The following LRRFIP2 variants were observed in gnomAD, a reference collection of about 807,000 sequenced individuals.
LRRFIP2 encodes leucine-rich repeat flightless-interacting protein 2.
Under a neutral mutation model 125.9 loss-of-function variants are expected in LRRFIP2, and 109 were observed. The ratio of observed to expected loss-of-function variants is 0.87; its 90% confidence interval spans 0.74 to 1.01. The LOEUF is 1.01. Ranked by LOEUF, LRRFIP2 falls within the 50% of genes least tolerant of loss-of-function variation. The pLI, the probability that LRRFIP2 is intolerant of heterozygous loss-of-function variation, is 0.00. For synonymous variants in LRRFIP2, 291 were observed against 293.1 expected (o/e 0.99, Z 0.07); for missense variants, 850 against 862.3 (o/e 0.99, Z 0.18).
At chr3:37,166,372 CTG>C (rs1435019621) in intron 1 of LRRFIP2, among the ~76,000 whole-genome samples, 12 of 151,984 alleles carry the variant, frequency 7.9e-5, no homozygotes, top group Non-Finnish European at 1.6e-4. Context: ...AAAAACAAAA[CTG>C]TGTACATCAA....
intron 18 of LRRFIP2, among the ~76,000 whole-genome samples, chr3:37,088,767 A>G (rs1282430357): frequency 6.6e-6 from 1 of 152,232 alleles, no homozygotes; most frequent in Non-Finnish European, 1.5e-5. Context: ...ACTACACTCC[A>G]GCTTGAGTGA....
At chr3:37,139,601 A>T (rs1465344810) in intron 2 of LRRFIP2, among the ~76,000 whole-genome samples, 1 of 152,128 alleles carries the variant, frequency 6.6e-6, no homozygotes, top group Non-Finnish European at 1.5e-5. Flanking sequence ...TCTACTGAAG[A>T]GCTGCCTCTT....
intron 4 of LRRFIP2, among the ~76,000 whole-genome samples, chr3:37,125,319 A>T (rs1460012587): frequency 6.6e-6 from 1 of 152,216 alleles, no homozygotes; most frequent in African/African-American, 2.4e-5. Flanking sequence ...ACTCTTTCAG[A>T]ATCACCACTG....
chr3:37,101,288 TG>T (rs932177315), intron 15 of LRRFIP2, among the ~76,000 whole-genome samples: 2 of 148,764 alleles, frequency 1.3e-5, no homozygotes, highest in African/African-American at 5.0e-5. Flanking sequence ...ACTCGGAGGG[TG>T]GGGGTTGCAG....
chr3:37,117,216 G>C (rs1005876574), intron 6 of LRRFIP2, among the ~76,000 whole-genome samples: 3 of 151,338 alleles, frequency 2.0e-5, no homozygotes, highest in African/African-American at 7.3e-5. Context: ...AATAAGGTAA[G>C]TTCATGGAAA....
Position 37,083,715 on chromosome 3 carries a change from A to C in LRRFIP2, c.1199T>G (p.Val400Gly). ...DNEKNNLIYQ[V>G]DTLKDVIEEQ... is the part of the protein sequence containing the mutation. Reference sequence around the variant, plus strand: ...TTCAATAACATCCTTGAGTGTGTCTACTTGGTAGATCAAATTGTTCTTCTC... The same window carrying C: ...TTCAATAACATCCTTGAGTGTGTCTCCTTGGTAGATCAAATTGTTCTTCTC... Residue 400 changes from valine to glycine, a missense_variant, in exon 19 of 28, where the codon GTA (valine) becomes GGA (glycine). By Grantham distance (109) the Val-to-Gly change is moderately radical. Coordinates refer to ENST00000336686, the MANE Select transcript of LRRFIP2 (RefSeq NM_006309.4). 6.3e-7 allele frequency: 1 copy of C among 1,599,556 alleles called. No homozygotes were observed. Among genetic ancestry groups the C allele is most frequent in the Non-Finnish European group, 8.5e-7 (1 of 1,174,714 alleles).
chr3:37,152,457 T>G (rs911848731), intron 1 of LRRFIP2, among the ~76,000 whole-genome samples: 10 of 152,216 alleles, frequency 6.6e-5, no homozygotes, highest in Non-Finnish European at 1.3e-4. Flanking sequence ...ATTTTTTTTT[T>G]TTGAGACGGA....
At chr3:37,119,771 T>C (rs902262779) in intron 6 of LRRFIP2, among the ~76,000 whole-genome samples, 2 of 152,168 alleles carry the variant, frequency 1.3e-5, no homozygotes, top group African/African-American at 2.4e-5. Context: ...CTGATTCTCA[T>C]GCCTCAGCCT....
chr3:37,139,333 C>A (rs1340962844), intron 2 of LRRFIP2, among the ~76,000 whole-genome samples: 2 of 152,032 alleles, frequency 1.3e-5, no homozygotes, highest in Admixed American at 1.3e-4. Context: ...TAAAAAACAA[C>A]AACAAAACAG....
chr3:37,071,475 C>CCTTGGCTTTCCAAA (rs572807142), intron 21 of LRRFIP2, among the ~76,000 whole-genome samples: 171 of 151,932 alleles, frequency 1.1e-3, no homozygotes, highest in Non-Finnish European at 1.5e-3. Flanking sequence ...AGCGATCCTC[C>CCTTGGCTTTCCAAA]GTGCTAGGAT....
At chr3:37,168,066 G>A (rs562765579) in intron 1 of LRRFIP2, among the ~76,000 whole-genome samples, 1 of 152,268 alleles carries the variant, frequency 6.6e-6, no homozygotes, top group South Asian at 2.1e-4. Context: ...CATTGCTGGT[G>A]GTAATGTAAA....
At position 37,112,984 on chromosome 3, in the gene LRRFIP2, G is replaced by A. The variant is rs780200670; in HGVS notation, c.373-4C>T. On this transcript the variant is annotated splice_polypyrimidine_tract_variant and splice_region_variant and intron_variant, in intron 7 of 27. Coordinates refer to ENST00000336686, the MANE Select transcript of LRRFIP2 (RefSeq NM_006309.4). ...GAGAGTGACTGTAAGAATGATTCTG[G>A]AAGTAAATATTCCAAGTTAACTTCA... 3 of 1,547,804 alleles carry A rather than the reference G, an allele frequency of 1.9e-6. No homozygotes were observed. The highest frequency in any genetic ancestry group is 3.4e-5 in the Admixed American group (2 of 58,462).
intron 1 of LRRFIP2, among the ~76,000 whole-genome samples, chr3:37,151,358 C>CAA (rs983606547): frequency 7.8e-6 from 1 of 128,958 alleles, no homozygotes. Flanking sequence ...GACTCCATCT[C>CAA]AAAAAAAAAA....
chr3:37,088,690 T>C lies in LRRFIP2; in HGVS notation c.1107+2777A>G, dbSNP rs142491904. 4.5e-3 allele frequency among the ~76,000 whole-genome samples: 681 copies of C among 152,038 alleles called. 4 individuals are homozygous for C. The highest frequency in any genetic ancestry group is 0.041 in the Middle Eastern group (12 of 294). ...AGCCAGGCATGGTGGTGCACCCCTA[T>C]AGTCCCAGCAGGCTTAGGATCGCTT... On this transcript the variant is annotated intron_variant, in intron 18 of 27. Transcript: ENST00000336686.
At chr3:37,062,718 G>T (rs1192484220) in intron 24 of LRRFIP2, among the ~76,000 whole-genome samples, 1 of 152,138 alleles carries the variant, frequency 6.6e-6, no homozygotes, top group Admixed American at 6.5e-5. Context: ...GGCAACTCAG[G>T]ATTCTCTACC....
intron 1 of LRRFIP2, among the ~76,000 whole-genome samples, chr3:37,156,726 A>C (rs926185164): frequency 6.6e-6 from 1 of 151,538 alleles, no homozygotes; most frequent in Non-Finnish European, 1.5e-5. Context: ...ACTAGGTGAA[A>C]AAAAGGCATG....
chr3:37,138,595 C>G (rs772945391), intron 2 of LRRFIP2, among the ~76,000 whole-genome samples: 4 of 152,156 alleles, frequency 2.6e-5, no homozygotes, highest in Non-Finnish European at 5.9e-5. Flanking sequence ...CCGGAGATGC[C>G]TGAAACTGCA....
At chr3:37,168,202 T>C (rs566570645) in intron 1 of LRRFIP2, among the ~76,000 whole-genome samples, 83 of 152,340 alleles carry the variant, frequency 5.4e-4, no homozygotes, top group Non-Finnish European at 8.7e-4. Flanking sequence ...CACAAAAGAA[T>C]TGAATGTGGC....
chr3:37,122,959 C>T (rs1187565376), intron 4 of LRRFIP2, among the ~76,000 whole-genome samples: 1 of 152,190 alleles, frequency 6.6e-6, no homozygotes, highest in African/African-American at 2.4e-5. Context: ...TGTGTGCTGA[C>T]TGAAAATCTA....
Sources: allele counts gnomAD v4.1 joint callset (sites outside exome capture counted in the v4.1 genomes callset), GRCh38; gene constraint gnomAD v4.1.1; transcripts MANE v1.5; gene names NCBI Gene and HGNC (gene_info 2026-07-23, HGNC 2026-07-21).